Variants in KANK1 observed in about 807,000 individuals in gnomAD.
KANK1 encodes KN motif and ankyrin repeat domains 1.
Under a neutral mutation model 106.2 loss-of-function variants are expected in KANK1, and 109 were observed. That is an observed-to-expected ratio of 1.03 (90% CI 0.88 to 1.20). KANK1 has a LOEUF of 1.20. Among genes scored for constraint, KANK1 ranks in the 50% most tolerant of loss-of-function variants. KANK1 has a pLI of 0.00. For missense variants in KANK1, 2,399 were observed against 1,710.7 expected (o/e 1.40, Z -7.10); for synonymous variants, 873 against 652.2 (o/e 1.34, Z -5.16).
intron 1 of KANK1, among the ~76,000 whole-genome samples, chr9:630,954 C>CAA (rs112232228): frequency 6.6e-6 from 1 of 151,470 alleles, no homozygotes; most frequent in African/African-American, 2.4e-5. Context: ...GACTCTGTCT[C>CAA]AAAAAACAAA....
At chr9:684,142 T>G in intron 2 of KANK1, 1 of 984,422 alleles carries the variant, frequency 1.0e-6, no homozygotes, top group East Asian at 1.1e-4. Context: ...GGCTTTGTTT[T>G]AACCTGTAGC....
intron 1 of KANK1, among the ~76,000 whole-genome samples, chr9:654,830 A>T (rs927309310): frequency 1.9e-4 from 28 of 150,632 alleles, no homozygotes; most frequent in African/African-American, 5.1e-4. Context: ...AGAGAGAGAG[A>T]GAGAGAGAGA....
chr9:660,929 G>C (rs1843154707), intron 1 of KANK1, among the ~76,000 whole-genome samples: 1 of 152,200 alleles, frequency 6.6e-6, no homozygotes, highest in Non-Finnish European at 1.5e-5. Context: ...CCAAACACCA[G>C]AATGTGAGAC....
At chr9:622,606 A>C (rs1377585921) in intron 1 of KANK1, among the ~76,000 whole-genome samples, 1 of 152,198 alleles carries the variant, frequency 6.6e-6, no homozygotes, top group African/African-American at 2.4e-5. Context: ...AAATGGATTA[A>C]GACTTAACTG....
intron 2 of KANK1, among the ~76,000 whole-genome samples, chr9:690,284 T>C (rs1819597250): frequency 6.9e-6 from 1 of 144,310 alleles, no homozygotes; most frequent in Admixed American, 7.2e-5. Context: ...CCAGCCTGGG[T>C]GACGGAGCGA....
chr9:675,028 T>C (rs1284943075), intron 1 of KANK1, among the ~76,000 whole-genome samples: 2 of 151,840 alleles, frequency 1.3e-5, no homozygotes, highest in Non-Finnish European at 2.9e-5. Context: ...TTAATAATGA[T>C]TATTATTACA....
At chr9:648,122 G>C (rs1840103382) in intron 1 of KANK1, among the ~76,000 whole-genome samples, 1 of 148,080 alleles carries the variant, frequency 6.8e-6, no homozygotes, top group Non-Finnish European at 1.5e-5. Flanking sequence ...TCCTGCCTCA[G>C]CCTCCCGAGT....
chr9:631,274 C>T (rs548083586), intron 1 of KANK1, among the ~76,000 whole-genome samples: 46 of 152,240 alleles, frequency 3.0e-4, no homozygotes, highest in Non-Finnish European at 5.9e-4. Flanking sequence ...TTATGCAGCC[C>T]ACACGGAAAA....
chr9:628,437 T>G (rs1288523354), intron 1 of KANK1, among the ~76,000 whole-genome samples: 1 of 152,228 alleles, frequency 6.6e-6, no homozygotes, highest in Non-Finnish European at 1.5e-5. Context: ...TATTCACAGA[T>G]GTACGTATTT....
In KANK1 at chr9:724,923, T is replaced by A. The variant is rs181891350; in HGVS notation, c.2699-5128T>A. ...GAAGGAAAAATGAAGATAAATGCCCTGCTTTATCTACTTTGCTTAAAATAA... is the reference window on the plus strand; with the variant it reads ...GAAGGAAAAATGAAGATAAATGCCCAGCTTTATCTACTTTGCTTAAAATAA... On this transcript the variant is annotated intron_variant, in intron 3 of 11. Coordinates refer to ENST00000382297, the MANE Select transcript of KANK1 (RefSeq NM_015158.5). Among the ~76,000 whole-genome samples the A allele has an allele frequency of 8.5e-5, 13 of 152,342 alleles. No individual in the cohort carries two copies. In the East Asian group the frequency reaches 2.5e-3, roughly 29 times the overall value.
chr9:592,297 A>T (rs1825113468), intron 1 of KANK1, among the ~76,000 whole-genome samples: 1 of 151,900 alleles, frequency 6.6e-6, no homozygotes, highest in African/African-American at 2.4e-5. Flanking sequence ...GCCTTTAATC[A>T]TCTGTGCGCA....
At position 742,252 on chromosome 9, in the gene KANK1, C is replaced by T. The variant is rs762794892; in HGVS notation, c.3744C>T (p.Asp1248=). The change falls in exon 10 of 12, where the codon GAC becomes GAT. Residue 1248 remains aspartate, a synonymous_variant. Transcript: ENST00000382297. The part of the protein sequence containing the change: ...LMLAVSHGRI[D]MVKGLLACGA... Reference sequence around the variant, plus strand: ...TGGCGGTCAGTCACGGACGGATAGACATGGTGAAGGGCCTTCTGGCCTGTG... The same window carrying T: ...TGGCGGTCAGTCACGGACGGATAGATATGGTGAAGGGCCTTCTGGCCTGTG... The T allele has an allele frequency of 2.2e-5, 35 of 1,614,078 alleles. No individual in the cohort carries two copies. In the Middle Eastern group the frequency reaches 1.2e-3, roughly 53 times the overall value.
chr9:593,644 A>G (rs933323654), intron 1 of KANK1, among the ~76,000 whole-genome samples: 1 of 151,748 alleles, frequency 6.6e-6, no homozygotes, highest in Non-Finnish European at 1.5e-5. Flanking sequence ...GTTTGTGTAA[A>G]TCGTTGGATG....
chr9:560,814 C>A (rs1816222318), intron 1 of KANK1, among the ~76,000 whole-genome samples: 1 of 151,664 alleles, frequency 6.6e-6, no homozygotes, highest in African/African-American at 2.4e-5. Flanking sequence ...TGAAGGCAAT[C>A]AACATGAACA....
At chr9:696,861 C>T (rs573293788) in intron 2 of KANK1, among the ~76,000 whole-genome samples, 1 of 152,270 alleles carries the variant, frequency 6.6e-6, no homozygotes, top group South Asian at 2.1e-4. Context: ...TGCATATTTG[C>T]AGTATGAGTA....
At chr9:512,528 A>G (rs1261420639) in intron 1 of KANK1, among the ~76,000 whole-genome samples, 2 of 152,238 alleles carry the variant, frequency 1.3e-5, no homozygotes, top group South Asian at 2.1e-4. Flanking sequence ...ATCTCATCCA[A>G]AAACATCCTC....
chr9:612,151 A>G (rs569645670), intron 1 of KANK1, among the ~76,000 whole-genome samples: 3 of 152,322 alleles, frequency 2.0e-5, no homozygotes, highest in African/African-American at 7.2e-5. Flanking sequence ...TGCCTCTTAA[A>G]TTGCACTTTG....
At chr9:693,841 G>T (rs1820570850) in intron 2 of KANK1, 1 of 981,510 alleles carries the variant, frequency 1.0e-6, no homozygotes, top group South Asian at 4.7e-5. Flanking sequence ...TGTTTGGGTG[G>T]GGGTTGGTGA....
rs1193918189 is a variant in KANK1, at chr9:712,393, GAAAC to G, written c.1633_1636del (p.Asn545ValfsTer2). The stretch of plus-strand genomic sequence containing the variant: ...GGACACGTGTGTTGGGACCTCCGTG[GAAAC>G]AAACAGTGTAGGCATCTCCTGCCAG... On this transcript the variant is annotated frameshift_variant, in exon 3 of 12. Transcript: ENST00000382297. LOFTEE classifies it high-confidence loss of function. The G allele has an allele frequency of 3.1e-6, 5 of 1,614,202 alleles. No individual in the cohort carries two copies. The highest frequency in any genetic ancestry group is 4.2e-6 in the Non-Finnish European group (5 of 1,180,048).
Sources: gnomAD v4.1 joint callset for allele counts (sites outside exome capture counted in the v4.1 genomes callset) on GRCh38, gnomAD v4.1.1 for gene constraint, MANE v1.5 for transcripts, NCBI Gene and HGNC (gene_info 2026-07-23, HGNC 2026-07-21) for gene names.